SLC2A9: variants seen among roughly 807,000 people sequenced by gnomAD.
SLC2A9 encodes the protein solute carrier family 2, facilitated glucose transporter member 9.
Under a neutral mutation model 50.6 loss-of-function variants are expected in SLC2A9, and 39 were observed. That is an observed-to-expected ratio of 0.77 (90% CI 0.60 to 1.01). The LOEUF (loss-of-function observed/expected upper bound fraction) is 1.01. Among genes scored for constraint, SLC2A9 ranks in the 50% least tolerant of loss-of-function variants. SLC2A9 has a pLI of 0.00. For missense variants in SLC2A9, 686 were observed against 677.6 expected (o/e 1.01, Z -0.14); for synonymous variants, 324 against 276.9 (o/e 1.17, Z -1.69).
chr4:9,841,583 TACTA>T (rs1169789092), intron 10 of SLC2A9, among the ~76,000 whole-genome samples: 1 of 152,180 alleles, frequency 6.6e-6, no homozygotes, highest in Non-Finnish European at 1.5e-5. Flanking sequence ...GAGATCTGAG[TACTA>T]ACTTTCAGTA....
chr4:9,798,375 C>A (rs114242617), downstream of SLC2A9, among the ~76,000 whole-genome samples: 128 of 152,300 alleles, frequency 8.4e-4, no homozygotes, highest in African/African-American at 2.9e-3. Flanking sequence ...TTTGTGTGGT[C>A]ACTGTATTCC....
intron 5 of SLC2A9, among the ~76,000 whole-genome samples, chr4:9,951,202 T>TG (rs1249566510): frequency 6.6e-6 from 1 of 152,130 alleles, no homozygotes; most frequent in Non-Finnish European, 1.5e-5. Flanking sequence ...TGGATGGAAT[T>TG]GGGGGGCATT....
intron 7 of SLC2A9, among the ~76,000 whole-genome samples, chr4:9,910,369 C>T (rs2110000226): frequency 6.6e-6 from 1 of 152,334 alleles, no homozygotes; most frequent in Middle Eastern, 3.4e-3. Context: ...ATCCTGAAAA[C>T]TCTATGTCCA....
chr4:9,963,649 GCTCGCTGGGTT>G (rs1752624976), intron 5 of SLC2A9, among the ~76,000 whole-genome samples: 1 of 152,168 alleles, frequency 6.6e-6, no homozygotes, highest in African/African-American at 2.4e-5. Flanking sequence ...AGAGGCCCCT[GCTCGCTGGGTT>G]TTGCAGGATG....
upstream of SLC2A9, among the ~76,000 whole-genome samples, chr4:10,026,221 C>A (rs1470991967): frequency 6.6e-6 from 1 of 152,172 alleles, no homozygotes; most frequent in Non-Finnish European, 1.5e-5. Context: ...CCCACACTTG[C>A]CTTGTTGATT....
chr4:9,902,580 G>C (rs1296249679), intron 8 of SLC2A9, among the ~76,000 whole-genome samples: 1 of 152,226 alleles, frequency 6.6e-6, no homozygotes, highest in East Asian at 1.9e-4. Flanking sequence ...CAAGATCAAA[G>C]TGTCTGCAGG....
intron 2 of SLC2A9, among the ~76,000 whole-genome samples, chr4:9,997,915 A>G (rs13121211): frequency 0.48 from 73,142 of 151,990 alleles, 18,347 homozygotes; most frequent in South Asian, 0.62. Context: ...AATAAATCCT[A>G]TCTACGATAT....
At position 9,920,395 on chromosome 4, in the gene SLC2A9, C is replaced by A; in HGVS notation, c.992G>T (p.Gly331Val). ...IVTMACYQLCGLNAIWFYTNS... is the reference protein window; with the variant it reads ...IVTMACYQLCVLNAIWFYTNS... ...GGCCCCAGGACTCACTGCATTGAGG[C>A]CACAGAGCTGGTAGCAGGCCATGGT... The change falls in exon 7 of 12, where the codon GGC (glycine) becomes GTC (valine). Residue 331 changes from glycine to valine, a missense_variant. Coordinates refer to ENST00000264784, the MANE Select transcript of SLC2A9 (RefSeq NM_020041.3). 6.2e-7 allele frequency: 1 copy of A among 1,614,136 alleles called. No homozygotes were observed. Among genetic ancestry groups the A allele is most frequent in the Non-Finnish European group, 8.5e-7 (1 of 1,180,020 alleles).
At position 9,848,765 on chromosome 4, in the gene SLC2A9, C is replaced by T. The variant is rs559247117; in HGVS notation, c.1292-13757G>A. 5.5e-4 allele frequency among the ~76,000 whole-genome samples: 81 copies of T among 147,746 alleles called. 2 individuals carry two copies. In the Middle Eastern group the frequency reaches 0.042, roughly 77 times the overall value. On this transcript the variant is annotated intron_variant, in intron 10 of 11. Transcript: ENST00000264784. The stretch of plus-strand genomic sequence containing the variant: ...CCCAGGCTGGAGTGGAGTGCAGTGG[C>T]ACGATCTCGGCTCACTGCAAGCTCC...
intron 3 of SLC2A9, chr4:9,782,671 A>G: frequency 6.2e-7 from 1 of 1,614,022 alleles, no homozygotes; most frequent in Non-Finnish European, 8.5e-7. Flanking sequence ...ACGTGAATGC[A>G]GAGAACTGTG....
intron 5 of SLC2A9, among the ~76,000 whole-genome samples, chr4:9,952,247 G>A (rs4292333): frequency 0.48 from 73,359 of 152,014 alleles, 19,090 homozygotes; most frequent in African/African-American, 0.67. Context: ...AATTATAATC[G>A]CCGATGTTGG....
intron 3 of SLC2A9, chr4:9,782,495 A>G: frequency 6.2e-7 from 1 of 1,613,996 alleles, no homozygotes; most frequent in Non-Finnish European, 8.5e-7. Flanking sequence ...GACTCAGCGC[A>G]TGGCCTTGGT....
chr4:10,017,102 A>G (rs773889928), intron 2 of SLC2A9, among the ~76,000 whole-genome samples: 1 of 151,728 alleles, frequency 6.6e-6, no homozygotes, highest in Non-Finnish European at 1.5e-5. Flanking sequence ...CTCAAATACC[A>G]CCTCCTCCAG....
At chr4:9,961,184 G>A (rs916373838) in intron 5 of SLC2A9, among the ~76,000 whole-genome samples, 4 of 152,128 alleles carry the variant, frequency 2.6e-5, no homozygotes, top group Admixed American at 6.5e-5. Context: ...GTCATGCTAT[G>A]CCCCTTCCCA....
intron 10 of SLC2A9, among the ~76,000 whole-genome samples, chr4:9,847,415 C>T (rs1298591964): frequency 6.6e-6 from 1 of 152,192 alleles, no homozygotes; most frequent in Non-Finnish European, 1.5e-5. Context: ...ATCCAATCAC[C>T]TCCAACCAGG....
At chr4:9,965,549 A>T (rs1331722338) in intron 5 of SLC2A9, among the ~76,000 whole-genome samples, 2 of 152,230 alleles carry the variant, frequency 1.3e-5, no homozygotes, top group Non-Finnish European at 2.9e-5. Context: ...AGAATAAACT[A>T]TCATATGTTC....
At chr4:9,964,508 G>T (rs149020917) in intron 5 of SLC2A9, among the ~76,000 whole-genome samples, 4 of 152,250 alleles carry the variant, frequency 2.6e-5, no homozygotes, top group African/African-American at 9.6e-5. Flanking sequence ...TGCCTGGGTC[G>T]TGCCCCGAAA....
intron 6 of SLC2A9, among the ~76,000 whole-genome samples, chr4:9,931,224 A>C (rs547262381): frequency 1.3e-5 from 2 of 152,304 alleles, no homozygotes; most frequent in East Asian, 1.9e-4. Flanking sequence ...TTCTCCCTTC[A>C]ATTTGAAAGT....
chr4:9,984,016 G>A (rs1320027871), intron 4 of SLC2A9, among the ~76,000 whole-genome samples: 1 of 152,110 alleles, frequency 6.6e-6, no homozygotes, highest in East Asian at 1.9e-4. Context: ...AAAATGAAAA[G>A]CATGAACACA....
Sources: gnomAD v4.1 joint callset for allele counts (sites outside exome capture counted in the v4.1 genomes callset) on GRCh38, gnomAD v4.1.1 for gene constraint, MANE v1.5 for transcripts, NCBI Gene and HGNC (gene_info 2026-07-23, HGNC 2026-07-21) for gene names.